The following CSMD1 variants were observed in gnomAD, a reference collection of about 807,000 sequenced individuals.
The protein encoded by CSMD1 is CUB and Sushi multiple domains 1.
In CSMD1, 213 loss-of-function variants were observed where a neutral mutation model predicts 417.5. That is an observed-to-expected ratio of 0.51 (90% CI 0.46 to 0.57). The LOEUF (loss-of-function observed/expected upper bound fraction) is 0.57. Ranked by LOEUF, CSMD1 falls within the 20% of genes least tolerant of loss-of-function variation. The pLI is 0.00. For synonymous variants in CSMD1, 2,862 were observed against 1,736.8 expected, an observed-to-expected ratio of 1.65 and a Z score of -16.11; for missense variants, 6,923 against 4,529.7, an observed-to-expected ratio of 1.53 and a Z score of -15.17.
intron 1 of CSMD1, among the ~76,000 whole-genome samples, chr8:4,764,090 C>G (rs1478871969): frequency 2.6e-5 from 4 of 152,190 alleles, no homozygotes; most frequent in South Asian, 2.1e-4. Context: ...TCTATGCAAT[C>G]TCCACCTCCA....
chr8:3,837,403 T>A (rs760235585), intron 5 of CSMD1, among the ~76,000 whole-genome samples: 1 of 152,154 alleles, frequency 6.6e-6, no homozygotes, highest in Non-Finnish European at 1.5e-5. Context: ...AGCATGCACT[T>A]TGATCTCAAA....
chr8:3,095,916 G>A (rs528351778), intron 47 of CSMD1, among the ~76,000 whole-genome samples: 1 of 152,052 alleles, frequency 6.6e-6, no homozygotes, highest in Non-Finnish European at 1.5e-5. Context: ...AAACAGTATT[G>A]CACGTGTTCA....
At chr8:3,608,086 T>G (rs771013681) in intron 8 of CSMD1, among the ~76,000 whole-genome samples, 5 of 151,438 alleles carry the variant, frequency 3.3e-5, no homozygotes, top group Non-Finnish European at 5.9e-5. Flanking sequence ...GCCGGAGAAT[T>G]GTTTGAACCT....
At chr8:4,508,952 G>C (rs936590281) in intron 2 of CSMD1, among the ~76,000 whole-genome samples, 28 of 152,232 alleles carry the variant, frequency 1.8e-4, no homozygotes, top group African/African-American at 6.3e-4. Flanking sequence ...TCCAATGTGA[G>C]GGCAGCCTGA....
intron 26 of CSMD1, chr8:3,278,940 T>C (rs1802519412): frequency 6.6e-6 from 1 of 152,166 alleles, no homozygotes. Context: ...GTTTCTTAAT[T>C]ACGACTGAGG....
At chr8:3,558,359 ATGATGAATGG>A in intron 10 of CSMD1, among the ~76,000 whole-genome samples, 1 of 122,264 alleles carries the variant, frequency 8.2e-6, no homozygotes, top group Non-Finnish European at 1.9e-5. Context: ...CACTCCTCCA[ATGATGAATGG>A]TGCCTCAGTA....
chr8:3,387,773 AG>A, intron 17 of CSMD1, 91 bp from the exon 18 acceptor site: 1 of 1,007,086 alleles, frequency 9.9e-7, no homozygotes, highest in Non-Finnish European at 1.5e-6. Context: ...AAATAGTCTC[AG>A]AAATAATAAG....
intron 2 of CSMD1, among the ~76,000 whole-genome samples, chr8:4,580,512 G>A (rs370322211): frequency 6.6e-6 from 1 of 152,188 alleles, no homozygotes. Flanking sequence ...ATGAGGTTCT[G>A]GCTCGGGCCG....
chr8:3,035,466 G>A (rs1810615932), intron 50 of CSMD1, among the ~76,000 whole-genome samples: 1 of 152,126 alleles, frequency 6.6e-6, no homozygotes, highest in Admixed American at 6.6e-5. Flanking sequence ...ATCATGTTGT[G>A]TTTCTGACTT....
chr8:3,282,887 T>G (rs34264533), intron 26 of CSMD1, among the ~76,000 whole-genome samples: 4 of 151,856 alleles, frequency 2.6e-5, no homozygotes, highest in African/African-American at 4.8e-5. Context: ...ATAAATTGAG[T>G]CTGAATGTGT....
chr8:3,404,198 G>A (rs1199930864), intron 15 of CSMD1, among the ~76,000 whole-genome samples: 1 of 152,114 alleles, frequency 6.6e-6, no homozygotes, highest in Non-Finnish European at 1.5e-5. Context: ...GCCAGGCGTG[G>A]TGGCAGGTGT....
At chr8:4,908,142 G>A (rs557503132) in intron 1 of CSMD1, among the ~76,000 whole-genome samples, 7 of 152,090 alleles carry the variant, frequency 4.6e-5, no homozygotes, top group African/African-American at 7.2e-5. Context: ...CAGAATTCTA[G>A]GTAGTTGTAT....
chr8:4,093,289 C>T (rs907989034), intron 3 of CSMD1, among the ~76,000 whole-genome samples: 1 of 152,042 alleles, frequency 6.6e-6, no homozygotes, highest in Non-Finnish European at 1.5e-5. Flanking sequence ...AATAATTTAT[C>T]CTATACAATT....
At chr8:4,605,708 AG>A (rs1218336136) in intron 2 of CSMD1, among the ~76,000 whole-genome samples, 1 of 152,176 alleles carries the variant, frequency 6.6e-6, no homozygotes, top group East Asian at 1.9e-4. Context: ...ATGCATAAAA[AG>A]AATGGTTGTC....
chr8:4,725,951 T>A (rs1809408300), intron 1 of CSMD1, among the ~76,000 whole-genome samples: 2 of 152,206 alleles, frequency 1.3e-5, no homozygotes, highest in South Asian at 4.2e-4. Context: ...ACGGCATTCG[T>A]CAAGAAGTTA....
At chr8:4,502,215 C>T (rs888282443) in intron 2 of CSMD1, among the ~76,000 whole-genome samples, 2 of 151,878 alleles carry the variant, frequency 1.3e-5, no homozygotes, top group Admixed American at 6.6e-5. Flanking sequence ...TTTACTATTG[C>T]AGTAGAATGA....
chr8:4,438,040 TCTTAGCTATGAAGGAACAGCCA>T (rs1280763569), intron 2 of CSMD1, among the ~76,000 whole-genome samples: 1 of 152,194 alleles, frequency 6.6e-6, no homozygotes, highest in East Asian at 1.9e-4. Context: ...CTTCCAAGCC[TCTTAGCTATGAAGGAACAGCCA>T]ATATTCACAC....
chr8:4,395,569 G>A (rs1255580140), intron 3 of CSMD1, among the ~76,000 whole-genome samples: 2 of 151,678 alleles, frequency 1.3e-5, no homozygotes, highest in African/African-American at 2.4e-5. Flanking sequence ...CTATCTGAAA[G>A]AAAGGCCAAG....
At chr8:3,218,289 C>T (rs536690764) in intron 29 of CSMD1, among the ~76,000 whole-genome samples, 4 of 152,100 alleles carry the variant, frequency 2.6e-5, no homozygotes, top group Non-Finnish European at 4.4e-5. Context: ...TGGCCGGGCG[C>T]GGTGGCTCAC....
Sources: allele counts gnomAD v4.1 joint callset (sites outside exome capture counted in the v4.1 genomes callset), GRCh38; gene constraint gnomAD v4.1.1; transcripts MANE v1.5; gene names NCBI Gene and HGNC (gene_info 2026-07-23, HGNC 2026-07-21).